ZNF563: variants seen among roughly 807,000 people sequenced by gnomAD.
The protein encoded by ZNF563 is zinc finger protein 563.
ZNF563 carries 39 observed loss-of-function variants against 48.5 expected under a neutral mutation model. The ratio of observed to expected loss-of-function variants is 0.80; its 90% CI spans 0.62 to 1.05. ZNF563 has a LOEUF of 1.05. ZNF563 is among the 50% of genes least tolerant of loss of function. ZNF563 has a pLI of 0.00. For missense variants in ZNF563, 538 were observed against 597.0 expected (o/e 0.90, Z 1.03); for synonymous variants, 168 against 187.9 (o/e 0.89, Z 0.87).
At chr19:12,320,239 CA>C (rs915105470) in intron 3 of ZNF563, among the ~76,000 whole-genome samples, 2 of 151,978 alleles carry the variant, frequency 1.3e-5, no homozygotes, top group Non-Finnish European at 2.9e-5. Flanking sequence ...TTATCATTAC[CA>C]TGCAAAGTGT....
intron 1 of ZNF563, among the ~76,000 whole-genome samples, chr19:12,329,657 T>C (rs545070011): frequency 6.6e-6 from 1 of 152,224 alleles, no homozygotes; most frequent in East Asian, 1.9e-4. Context: ...CCCACATATT[T>C]GATAAATTAC....
At chr19:12,325,469 CAAA>C (rs36079909) in intron 1 of ZNF563, among the ~76,000 whole-genome samples, 5 of 83,400 alleles carry the variant, frequency 6.0e-5, no homozygotes, top group Admixed American at 1.3e-4. Flanking sequence ...GACTCCATCT[CAAA>C]AAAAAAAAAA....
chr19:12,322,887 G>A (rs1021006934), intron 1 of ZNF563, among the ~76,000 whole-genome samples, 176 bp from the exon 2 acceptor site: 8 of 152,342 alleles, frequency 5.3e-5, no homozygotes, highest in African/African-American at 1.9e-4. Flanking sequence ...TTTGATGGTA[G>A]AATTCAACAT....
At chr19:12,319,910 G>T in intron 3 of ZNF563, 77 bp from the exon 4 acceptor site, 1 of 1,388,284 alleles carries the variant, frequency 7.2e-7, no homozygotes, top group Non-Finnish European at 9.7e-7. Context: ...ATAGGTATTG[G>T]ATGTACTTTT....
At chr19:12,337,964 T>C (rs1969036472), upstream of ZNF563, among the ~76,000 whole-genome samples, 1 of 152,078 alleles carries the variant, frequency 6.6e-6, no homozygotes, top group Non-Finnish European at 1.5e-5. Context: ...TAGCCGAGCA[T>C]GGTGGCATAG....
chr19:12,319,986 G>A (rs1030384448), intron 3 of ZNF563, among the ~76,000 whole-genome samples, 153 bp from the exon 4 acceptor site: 1 of 151,078 alleles, frequency 6.6e-6, no homozygotes, highest in Non-Finnish European at 1.5e-5. Context: ...GCACGATCTC[G>A]GCTCACTGCA....
chr19:12,326,758 A>G (rs557762474), intron 1 of ZNF563, among the ~76,000 whole-genome samples: 3 of 152,344 alleles, frequency 2.0e-5, no homozygotes, highest in Non-Finnish European at 4.4e-5. Flanking sequence ...CTGCCTTGCC[A>G]GTAACGTTAA....
chr19:12,337,570 C>A (rs1264432495), upstream of ZNF563, among the ~76,000 whole-genome samples: 5 of 152,102 alleles, frequency 3.3e-5, no homozygotes, highest in Non-Finnish European at 7.3e-5. Context: ...TACTTTCATA[C>A]ACAGCAATAC....
chr19:12,334,294 GA>G (rs113119575), upstream of ZNF563, among the ~76,000 whole-genome samples: 3 of 150,856 alleles, frequency 2.0e-5, no homozygotes, highest in South Asian at 2.1e-4. Context: ...AATACAACAG[GA>G]AAAAAAAAGC....
the ZNF563 span, among the ~76,000 whole-genome samples, chr19:12,339,604 A>C: frequency 6.6e-6 from 1 of 152,020 alleles, no homozygotes; most frequent in Non-Finnish European, 1.5e-5. Context: ...TTCTATCAAA[A>C]TAGCCACTCT....
intron 1 of ZNF563, among the ~76,000 whole-genome samples, chr19:12,325,971 G>C (rs998819711): frequency 2.6e-5 from 4 of 152,064 alleles, no homozygotes; most frequent in African/African-American, 7.2e-5. Flanking sequence ...CATCAAACAA[G>C]AACAGCAAAC....
upstream of ZNF563, among the ~76,000 whole-genome samples, chr19:12,337,369 A>G (rs1019566725): frequency 2.0e-5 from 3 of 149,758 alleles, no homozygotes; most frequent in African/African-American, 7.6e-5. Context: ...TGCCTGGCTA[A>G]TTTTTGTATT....
At chr19:12,341,289 T>C in the ZNF563 span, among the ~76,000 whole-genome samples, 1 of 152,174 alleles carries the variant, frequency 6.6e-6, no homozygotes, top group Non-Finnish European at 1.5e-5. Context: ...TGACCTCAAA[T>C]GATCCGCCTG....
intron 1 of ZNF563, among the ~76,000 whole-genome samples, chr19:12,327,587 G>A (rs1968826001): frequency 6.6e-6 from 1 of 151,998 alleles, no homozygotes; most frequent in African/African-American, 2.4e-5. Context: ...TACATTAAAT[G>A]TGTATTATCT....
rs1256107442 is a variant in ZNF563 at position 12,318,755 on chromosome 19, T to G, written c.1270A>C (p.Lys424Gln). The change falls in exon 4 of 4, where the codon AAG becomes CAG. Residue 424 changes from lysine (K) to glutamine (Q), a missense_variant. Physicochemically the swap from Lys to Gln is moderately conservative, Grantham distance 53. Coordinates refer to ENST00000293725, the MANE Select transcript of ZNF563 (RefSeq NM_145276.3). Reference protein sequence around the residue: ...SHSGEKPYECKQCGKALSHSS... With the variant: ...SHSGEKPYECQQCGKALSHSS... Reference sequence around the variant, plus strand: ...TGAGATAACGCTTTCCCACACTGCTTGCATTCATAGGGTTTCTCTCCACTG... The same window carrying G: ...TGAGATAACGCTTTCCCACACTGCTGGCATTCATAGGGTTTCTCTCCACTG... 6 of 1,614,146 alleles carry G rather than the reference T, an allele frequency of 3.7e-6. No homozygotes were observed.
chr19:12,344,435 T>C, the ZNF563 span, among the ~76,000 whole-genome samples: 4 of 150,804 alleles, frequency 2.7e-5, no homozygotes, highest in African/African-American at 9.7e-5. Context: ...ATCAATGTAA[T>C]GTACCACATT....
intron 2 of ZNF563, among the ~76,000 whole-genome samples, chr19:12,322,016 G>A (rs7248505): frequency 0.21 from 31,614 of 151,932 alleles, 3,621 homozygotes; most frequent in African/African-American, 0.3. Context: ...CTTACAATAT[G>A]TGGATTAATA....
At chr19:12,331,558 T>C (rs1968919831) in intron 1 of ZNF563, among the ~76,000 whole-genome samples, 1 of 152,198 alleles carries the variant, frequency 6.6e-6, no homozygotes, top group Non-Finnish European at 1.5e-5. Flanking sequence ...CTCCAAGAAA[T>C]GAAAACTGGG....
At chr19:12,337,843 C>G (rs1200058098), upstream of ZNF563, among the ~76,000 whole-genome samples, 1 of 152,184 alleles carries the variant, frequency 6.6e-6, no homozygotes, top group Non-Finnish European at 1.5e-5. Flanking sequence ...TGCAGTGGTT[C>G]ATACCTGTTA....
Sources: allele counts gnomAD v4.1 joint callset (sites outside exome capture counted in the v4.1 genomes callset), GRCh38; gene constraint gnomAD v4.1.1; transcripts MANE v1.5; gene names NCBI Gene and HGNC (gene_info 2026-07-23, HGNC 2026-07-21).